PTPRE: variants seen among roughly 807,000 people sequenced by gnomAD.
PTPRE encodes the protein receptor-type tyrosine-protein phosphatase epsilon.
PTPRE carries 51 observed loss-of-function variants against 102.0 expected under a neutral mutation model. The observed-to-expected ratio is 0.50, with a 90% CI of 0.40 to 0.63. The LOEUF is 0.63. Ranked by LOEUF, PTPRE falls within the 30% of genes least tolerant of loss-of-function variation. PTPRE has a pLI of 0.00. For missense variants in PTPRE, 752 were observed against 915.1 expected (o/e 0.82, Z 2.30); for synonymous variants, 345 against 348.2 (o/e 0.99, Z 0.10).
At chr10:128,047,246 G>A in intron 3 of PTPRE, 144 bp from the exon 4 acceptor site, 5 of 1,220,170 alleles carry the variant, frequency 4.1e-6, no homozygotes, top group South Asian at 1.6e-5. Context: ...CTGTTACCTC[G>A]TGGGGCCTTT....
intron 2 of PTPRE, among the ~76,000 whole-genome samples, chr10:128,016,134 G>A (rs1201822788): frequency 1.3e-5 from 2 of 152,106 alleles, no homozygotes; most frequent in Non-Finnish European, 2.9e-5. Flanking sequence ...TTCCTCCAGG[G>A]GACCAGGGCA....
intron 2 of PTPRE, among the ~76,000 whole-genome samples, chr10:128,021,056 G>A (rs10764733): frequency 0.43 from 64,402 of 151,494 alleles, 13,827 homozygotes; most frequent in Non-Finnish European, 0.46. Context: ...CCCCACACCC[G>A]GCTAATTTTT....
intron 1 of PTPRE, among the ~76,000 whole-genome samples, chr10:127,957,513 T>C (rs1849491095): frequency 6.6e-6 from 1 of 152,230 alleles, no homozygotes; most frequent in Non-Finnish European, 1.5e-5. Context: ...CCTTTTATTT[T>C]CTTGTCTCAT....
chr10:128,034,982 T>G (rs1434164327), intron 2 of PTPRE, among the ~76,000 whole-genome samples: 1 of 152,208 alleles, frequency 6.6e-6, no homozygotes, highest in African/African-American at 2.4e-5. Context: ...CTTTTATTTT[T>G]ATTTGTTGTT....
At chr10:127,912,427 G>C (rs1429077908) in intron 1 of PTPRE, among the ~76,000 whole-genome samples, 1 of 151,986 alleles carries the variant, frequency 6.6e-6, no homozygotes, top group Non-Finnish European at 1.5e-5. Flanking sequence ...CAGTTAATCC[G>C]GTCCATTATG....
chr10:127,998,298 AG>A (rs1438930533), intron 2 of PTPRE: 8 of 152,226 alleles, frequency 5.3e-5, no homozygotes, highest in African/African-American at 1.9e-4. Flanking sequence ...AAGAAAGCAA[AG>A]CAGCGACTGG....
chr10:128,068,873 A>C (rs1850511550), intron 12 of PTPRE: 1 of 152,326 alleles, frequency 6.6e-6, no homozygotes. Context: ...AGAATTACTC[A>C]AATGTACAGC....
At chr10:127,931,932 T>G (rs1847474664) in intron 1 of PTPRE, among the ~76,000 whole-genome samples, 1 of 152,234 alleles carries the variant, frequency 6.6e-6, no homozygotes, top group African/African-American at 2.4e-5. Context: ...TTTGGGATAT[T>G]TTTAAAAGAC....
intron 2 of PTPRE, among the ~76,000 whole-genome samples, chr10:128,018,872 T>TCTCA (rs137995109): frequency 6.6e-6 from 1 of 150,974 alleles, no homozygotes; most frequent in Non-Finnish European, 1.5e-5. Flanking sequence ...TCTCTCTCTC[T>TCTCA]CACACACACA....
intron 1 of PTPRE, among the ~76,000 whole-genome samples, chr10:127,918,294 C>T (rs750633181): frequency 3.3e-5 from 5 of 152,106 alleles, no homozygotes; most frequent in African/African-American, 1.2e-4. Flanking sequence ...TGCAGTGGCT[C>T]ACGCCTGTAA....
rs1845567150 is a variant in PTPRE at position 127,907,555 on chromosome 10, C to G, written c.-31+246C>G. On this transcript the variant is annotated intron_variant, in intron 1 of 20. Coordinates refer to ENST00000254667, the MANE Select transcript of PTPRE (RefSeq NM_006504.6). This position sits in a 1 kb window ranked among gnomAD's most constrained non-coding sequence, Gnocchi z 4.8. ...ACCCGGAGTCCCCAGCCCAACTTGG[C>G]GACCACAGTGGCAGTGCTCACGCTC... Among the ~76,000 whole-genome samples, 1 of 151,966 alleles carries G rather than the reference C, an allele frequency of 6.6e-6. No individual in the cohort carries two copies. The highest frequency in any genetic ancestry group is 2.1e-4 in the South Asian group (1 of 4,808).
At chr10:127,987,207 C>A in intron 2 of PTPRE, 1 of 578,588 alleles carries the variant, frequency 1.7e-6, no homozygotes, top group Non-Finnish European at 2.3e-6. Context: ...GGGCGTTAAT[C>A]AGTCACAGTT....
At chr10:127,918,969 T>C (rs1486807440) in intron 1 of PTPRE, among the ~76,000 whole-genome samples, 1 of 152,230 alleles carries the variant, frequency 6.6e-6, no homozygotes, top group Admixed American at 6.5e-5. Context: ...TCATGGTTCT[T>C]GGAAACCCAG....
At chr10:127,964,933 C>T (rs930907522) in intron 1 of PTPRE, 12 of 454,072 alleles carry the variant, frequency 2.6e-5, no homozygotes, top group African/African-American at 4.0e-5. Flanking sequence ...CTGGACCCCA[C>T]GGAAGAAGCT....
At chr10:128,026,475 G>C (rs573070080) in intron 2 of PTPRE, among the ~76,000 whole-genome samples, 1 of 152,206 alleles carries the variant, frequency 6.6e-6, no homozygotes, top group Non-Finnish European at 1.5e-5. Context: ...GGGCTTGTCC[G>C]GAGCATGGCT....
intron 2 of PTPRE, chr10:127,987,269 T>C: frequency 1.8e-6 from 2 of 1,134,956 alleles, no homozygotes; most frequent in Non-Finnish European, 2.2e-6. Context: ...TCATGTCTCG[T>C]CACCGTGTTC....
chr10:128,057,871 G>C (rs896412895), intron 7 of PTPRE, among the ~76,000 whole-genome samples: 1 of 152,190 alleles, frequency 6.6e-6, no homozygotes, highest in African/African-American at 2.4e-5. Context: ...TACATGGCTT[G>C]AGCAGCTCAA....
intron 2 of PTPRE, among the ~76,000 whole-genome samples, chr10:128,030,754 T>A (rs1220723486): frequency 1.3e-5 from 2 of 152,124 alleles, no homozygotes; most frequent in East Asian, 3.9e-4. Flanking sequence ...AGACTCCTGG[T>A]CGCCCGCGTC....
chr10:128,011,578 G>A (rs998165562), intron 2 of PTPRE, among the ~76,000 whole-genome samples: 1 of 152,230 alleles, frequency 6.6e-6, no homozygotes, highest in Non-Finnish European at 1.5e-5. Context: ...AAGCGTCCCC[G>A]TAGCCCGACC....
Sources: gnomAD v4.1 joint callset for allele counts (sites outside exome capture counted in the v4.1 genomes callset) on GRCh38, gnomAD v4.1.1 for gene constraint, Gnocchi (gnomAD v3.1) non-coding constraint, MANE v1.5 for transcripts, NCBI Gene and HGNC (gene_info 2026-07-23, HGNC 2026-07-21) for gene names.